The following RUFY4 variants were observed in gnomAD, a reference collection of about 807,000 sequenced individuals.
RUFY4 encodes the protein RUN and FYVE domain-containing protein 4.
A neutral mutation model predicts 69.0 loss-of-function variants in RUFY4; 73 were observed. The observed-to-expected ratio is 1.06, with a 90% confidence interval of 0.88 to 1.29. The LOEUF is 1.29. Ranked by LOEUF, RUFY4 falls within the 50% of genes most tolerant of loss-of-function variation. The probability of loss-of-function intolerance (pLI) is 0.00; values close to 1 mark genes in which losing one functional copy is unlikely to be tolerated. For synonymous variants in RUFY4, 287 were observed against 271.8 expected (o/e 1.06, Z -0.55); for missense variants, 770 against 705.6 (o/e 1.09, Z -1.03).
chr2:218,081,884 G>A (rs1689766316), intron 8 of RUFY4, among the ~76,000 whole-genome samples: 2 of 152,210 alleles, frequency 1.3e-5, no homozygotes, highest in South Asian at 4.1e-4. Flanking sequence ...CTAAAAGGGG[G>A]TGTTTTAAAA....
chr2:218,079,920 G>A (rs1184664913), intron 8 of RUFY4, among the ~76,000 whole-genome samples: 1 of 152,074 alleles, frequency 6.6e-6, no homozygotes, highest in Admixed American at 6.5e-5. Context: ...GGATGCTAGG[G>A]AAAAAAACAA....
At chr2:218,076,280 G>A in intron 7 of RUFY4, 147 bp from the exon 10 acceptor site, 1 of 1,352,012 alleles carries the variant, frequency 7.4e-7, no homozygotes. Flanking sequence ...GCCTAGGACA[G>A]AGCCAGGCAT....
chr2:218,087,272 A>G (rs903331088), intron 9 of RUFY4, among the ~76,000 whole-genome samples: 14 of 152,108 alleles, frequency 9.2e-5, no homozygotes, highest in African/African-American at 3.4e-4. Flanking sequence ...GGAGCACTTG[A>G]AATATTGACC....
At chr2:218,053,282 T>A (rs1430559831) in intron 2 of RUFY4, among the ~76,000 whole-genome samples, 2 of 152,124 alleles carry the variant, frequency 1.3e-5, no homozygotes, top group Non-Finnish European at 2.9e-5. Context: ...TTATTTAATA[T>A]GAGGCTTATT....
chr2:218,045,786 C>G (rs1025522303), intron 2 of RUFY4, among the ~76,000 whole-genome samples: 1 of 149,474 alleles, frequency 6.7e-6, no homozygotes, highest in African/African-American at 2.5e-5. Context: ...AATAATGATA[C>G]ATATTTATGG....
chr2:218,072,970 G>A, intron 4 of RUFY4, 85 bp downstream of exon 6: 6 of 1,140,996 alleles, frequency 5.3e-6, no homozygotes, highest in Non-Finnish European at 7.3e-6. Context: ...AACCCCCACA[G>A]ATGGCTTTCT....
At chr2:218,066,864 C>T (rs1489646432), upstream of RUFY4, among the ~76,000 whole-genome samples, 3 of 152,166 alleles carry the variant, frequency 2.0e-5, no homozygotes, top group South Asian at 2.1e-4. Context: ...ACAGATTTTC[C>T]GTTTCCTTGT....
At chr2:218,060,512 T>A in intron 3 of RUFY4, 2 of 1,312,168 alleles carry the variant, frequency 1.5e-6, no homozygotes, top group South Asian at 1.2e-5. Context: ...CTGTGAAGGA[T>A]GCCCAGAATC....
upstream of RUFY4, among the ~76,000 whole-genome samples, chr2:218,065,247 C>T (rs539021964): frequency 1.1e-4 from 16 of 152,206 alleles, no homozygotes; most frequent in Middle Eastern, 3.4e-3. Context: ...GCATCAGAGT[C>T]AGAGTAGGAG....
chr2:218,081,459 A>G (rs1039624638), intron 8 of RUFY4, among the ~76,000 whole-genome samples: 8 of 152,176 alleles, frequency 5.3e-5, no homozygotes, highest in South Asian at 2.1e-4. Flanking sequence ...TGTCTCTGTC[A>G]TAGCACTTAG....
chr2:218,085,644 A>G (rs540494361), intron 9 of RUFY4, among the ~76,000 whole-genome samples: 56 of 152,324 alleles, frequency 3.7e-4, no homozygotes, highest in Middle Eastern at 3.4e-3. Context: ...TGAGGAATAA[A>G]GTCATTAGAA....
chr2:218,049,598 C>G (rs759981617), intron 2 of RUFY4, among the ~76,000 whole-genome samples: 1 of 152,038 alleles, frequency 6.6e-6, no homozygotes, highest in Admixed American at 6.5e-5. Context: ...CCTCTGCCTC[C>G]CAGGTTCAGG....
intron 9 of RUFY4, among the ~76,000 whole-genome samples, chr2:218,087,850 A>G (rs1174672599): frequency 6.6e-6 from 1 of 152,110 alleles, no homozygotes; most frequent in Non-Finnish European, 1.5e-5. Flanking sequence ...AAAAATTACA[A>G]TGGTAGCCAA....
upstream of RUFY4, among the ~76,000 whole-genome samples, chr2:218,066,177 C>CTTTTTTTTTT (rs58665951): frequency 7.4e-4 from 55 of 74,420 alleles, no homozygotes; most frequent in Non-Finnish European, 8.9e-4. Context: ...CTTTTCTTTT[C>CTTTTTTTTTT]TTTTTTTTTT....
intron 3 of RUFY4, among the ~76,000 whole-genome samples, chr2:218,064,055 C>T (rs1044730624): frequency 6.6e-6 from 1 of 152,204 alleles, no homozygotes; most frequent in Non-Finnish European, 1.5e-5. Flanking sequence ...TCCATGAACC[C>T]ATAAGCACCC....
intron 2 of RUFY4, among the ~76,000 whole-genome samples, chr2:218,038,006 T>C (rs966362032): frequency 2.0e-5 from 3 of 152,210 alleles, no homozygotes; most frequent in African/African-American, 7.2e-5. Flanking sequence ...TAAAAATTCA[T>C]AAAAAACATT....
intron 3 of RUFY4, chr2:218,060,240 C>G: frequency 8.5e-7 from 1 of 1,178,356 alleles, no homozygotes; most frequent in Middle Eastern, 3.0e-4. Context: ...GGGGGCTGCA[C>G]TGACACTGAG....
At chr2:218,062,806 T>C (rs1042645851) in intron 3 of RUFY4, among the ~76,000 whole-genome samples, 2 of 152,164 alleles carry the variant, frequency 1.3e-5, no homozygotes, top group Admixed American at 6.5e-5. Flanking sequence ...ACGTAACAGG[T>C]TATTTGGGGA....
chr2:218,078,995 GT>G (rs780372036), intron 8 of RUFY4, among the ~76,000 whole-genome samples: 1 of 152,178 alleles, frequency 6.6e-6, no homozygotes, highest in Non-Finnish European at 1.5e-5. Flanking sequence ...AGCCTCCCGA[GT>G]AGCTGGGATT....
Sources: allele counts gnomAD v4.1 joint callset (sites outside exome capture counted in the v4.1 genomes callset), GRCh38; gene constraint gnomAD v4.1.1; transcripts MANE v1.5; gene names NCBI Gene and HGNC (gene_info 2026-07-23, HGNC 2026-07-21).